Variants in KCNIP1 observed in about 807,000 individuals in gnomAD.
KCNIP1 encodes the protein A-type potassium channel modulatory protein KCNIP1.
Under a neutral mutation model 33.0 loss-of-function variants are expected in KCNIP1, and 18 were observed. The observed-to-expected ratio is 0.55, with a 90% CI of 0.38 to 0.81. The LOEUF (loss-of-function observed/expected upper bound fraction) is 0.81. Among genes scored for constraint, KCNIP1 ranks in the 30% least tolerant of loss-of-function variants. The pLI is 0.00. For missense variants in KCNIP1, 238 were observed against 271.6 expected (o/e 0.88, Z 0.87); for synonymous variants, 93 against 98.3 (o/e 0.95, Z 0.32).
intron 1 of KCNIP1, among the ~76,000 whole-genome samples, chr5:170,571,731 G>A (rs1757415254): frequency 6.6e-6 from 1 of 152,202 alleles, no homozygotes; most frequent in African/African-American, 2.4e-5. Context: ...GGCTGAGTGA[G>A]TTATGTCAAT....
chr5:170,516,530 C>A (rs75532228), intron 1 of KCNIP1, among the ~76,000 whole-genome samples: 2 of 152,130 alleles, frequency 1.3e-5, no homozygotes, highest in Admixed American at 1.3e-4. Flanking sequence ...AGAATTCATG[C>A]GGCAGAGAAA....
At chr5:170,703,446 G>C (rs1763164667) in intron 1 of KCNIP1, among the ~76,000 whole-genome samples, 1 of 137,680 alleles carries the variant, frequency 7.3e-6, no homozygotes, top group Non-Finnish European at 1.5e-5. Context: ...ATATTTTTAT[G>C]TGAAATAAAT....
At chr5:170,488,728 C>T (rs1369185178) in intron 1 of KCNIP1, among the ~76,000 whole-genome samples, 5 of 152,144 alleles carry the variant, frequency 3.3e-5, no homozygotes, top group Admixed American at 6.5e-5. Context: ...ATGACATGAG[C>T]GAAGCCAAGA....
At chr5:170,719,179 A>AC (rs1298987414) in intron 2 of KCNIP1, among the ~76,000 whole-genome samples, 2 of 151,944 alleles carry the variant, frequency 1.3e-5, no homozygotes, top group Non-Finnish European at 2.9e-5. Context: ...ACATAATCAT[A>AC]CCTTCCAACC....
chr5:170,711,239 C>G (rs1763433129), intron 1 of KCNIP1, among the ~76,000 whole-genome samples: 2 of 152,314 alleles, frequency 1.3e-5, no homozygotes, highest in South Asian at 4.2e-4. Flanking sequence ...CATCATCTGT[C>G]CTCATCTGAA....
chr5:170,464,472 C>T (rs1333651706), intron 1 of KCNIP1, among the ~76,000 whole-genome samples: 1 of 152,208 alleles, frequency 6.6e-6, no homozygotes, highest in African/African-American at 2.4e-5. Context: ...GTCCATCTTG[C>T]ACTTCCTGAT....
chr5:170,447,850 A>C (rs1756156402), intron 1 of KCNIP1, among the ~76,000 whole-genome samples: 1 of 151,670 alleles, frequency 6.6e-6, no homozygotes, highest in Non-Finnish European at 1.5e-5. Context: ...TTTCCAGTTG[A>C]AGTCATCCTA....
At chr5:170,729,237 T>G (rs1048800321) in intron 5 of KCNIP1, among the ~76,000 whole-genome samples, 2 of 152,084 alleles carry the variant, frequency 1.3e-5, no homozygotes, top group African/African-American at 4.8e-5. Flanking sequence ...ATTTTTTAAA[T>G]TATTGATGGC....
rs963770731 is a variant in KCNIP1, at chr5:170,733,727, T to C, written c.541-109T>C. 5 of 880,682 alleles carry C rather than the reference T, an allele frequency of 5.7e-6. No individual in the cohort carries two copies. The African/African-American group carries it at 8.5e-5, about 15-fold the overall frequency. The allele number at this position is 880,682 out of a possible 1,614,324, so 54.6% of individuals were successfully genotyped here. A position where few individuals can be genotyped will look rare whatever the true frequency, so the allele number is the denominator to read the frequency against. On this transcript the variant is annotated intron_variant, in intron 6 of 7. Transcript: ENST00000328939. ...GGGCAAAGTTGGTTAATGAAATGAA[T>C]GAAATGAGCTCCAGCTCGTTACTCT...
intron 1 of KCNIP1, among the ~76,000 whole-genome samples, chr5:170,700,260 C>A (rs980868293): frequency 3.3e-5 from 5 of 152,156 alleles, no homozygotes; most frequent in Non-Finnish European, 7.3e-5. Context: ...CACAGAGAAG[C>A]CTTGCGGTTA....
At chr5:170,652,498 A>AAAAAGGAAGGAAGG (rs33995162) in intron 1 of KCNIP1, among the ~76,000 whole-genome samples, 4 of 103,052 alleles carry the variant, frequency 3.9e-5, no homozygotes, top group African/African-American at 1.7e-4. Context: ...AAAAAAAAAA[A>AAAAAGGAAGGAAGG]AAGGAAGGAA....
intron 1 of KCNIP1, among the ~76,000 whole-genome samples, chr5:170,431,365 G>A (rs910767526): frequency 6.6e-6 from 1 of 152,194 alleles, no homozygotes; most frequent in African/African-American, 2.4e-5. Context: ...CAAGGATCAG[G>A]CTGCTGGAGG....
intron 1 of KCNIP1, among the ~76,000 whole-genome samples, chr5:170,403,759 C>A (rs1189789484): frequency 6.6e-6 from 1 of 152,156 alleles, no homozygotes; most frequent in Non-Finnish European, 1.5e-5. Flanking sequence ...CAGGAAGAAC[C>A]GAACTATAGT....
At chr5:170,645,811 A>G (rs1287097526) in intron 1 of KCNIP1, among the ~76,000 whole-genome samples, 1 of 152,212 alleles carries the variant, frequency 6.6e-6, no homozygotes, top group Non-Finnish European at 1.5e-5. Flanking sequence ...AATCAATAAC[A>G]AGGAGATAGC....
chr5:170,734,319 T>C (rs1246366512), intron 7 of KCNIP1, among the ~76,000 whole-genome samples: 1 of 152,230 alleles, frequency 6.6e-6, no homozygotes, highest in Non-Finnish European at 1.5e-5. Flanking sequence ...GGAATGATTC[T>C]GAAAATGCAT....
At chr5:170,411,402 T>C (rs1755184748) in intron 1 of KCNIP1, among the ~76,000 whole-genome samples, 1 of 152,182 alleles carries the variant, frequency 6.6e-6, no homozygotes. Flanking sequence ...TCATCCACTG[T>C]GCAGACAAAT....
At chr5:170,547,143 T>A (rs1756441437) in intron 1 of KCNIP1, among the ~76,000 whole-genome samples, 2 of 152,232 alleles carry the variant, frequency 1.3e-5, no homozygotes, top group South Asian at 4.1e-4. Context: ...TATTTATTTG[T>A]AGATGGTCTA....
chr5:170,720,411 T>TTGCCC, intron 3 of KCNIP1, 21 bp downstream of exon 3: 1 of 1,583,694 alleles, frequency 6.3e-7, no homozygotes, highest in Non-Finnish European at 8.7e-7. Context: ...CCTTGAAATC[T>TTGCCC]ATCTTGCCCA....
At chr5:170,651,681 A>AT (rs1761051348) in intron 1 of KCNIP1, among the ~76,000 whole-genome samples, 1 of 152,222 alleles carries the variant, frequency 6.6e-6, no homozygotes, top group Non-Finnish European at 1.5e-5. Flanking sequence ...CCGTAAAAAA[A>AT]CAAATGAATG....
Sources: gnomAD v4.1 joint callset for allele counts (sites outside exome capture counted in the v4.1 genomes callset) on GRCh38, gnomAD v4.1.1 for gene constraint, MANE v1.5 for transcripts, NCBI Gene and HGNC (gene_info 2026-07-23, HGNC 2026-07-21) for gene names.